AFF2: variants seen among roughly 807,000 people sequenced by gnomAD.
The protein encoded by AFF2 is ALF transcription elongation factor 2.
A neutral mutation model predicts 76.9 loss-of-function variants in AFF2; 14 were observed. The observed-to-expected ratio is 0.18, with a 90% CI of 0.12 to 0.28. The LOEUF (loss-of-function observed/expected upper bound fraction) is 0.28, where lower values mean the gene tolerates loss of function less well. Among genes scored for constraint, AFF2 ranks in the 10% least tolerant of loss-of-function variants. The pLI, the probability that AFF2 is intolerant of heterozygous loss-of-function variation, is 1.00. For synonymous variants in AFF2, 398 were observed against 366.7 expected (o/e 1.09, Z -0.98); for missense variants, 868 against 1,001.1 (o/e 0.87, Z 1.79).
In AFF2 at chrX:148,835,033, G is replaced by A. The variant is rs187364933; in HGVS notation, c.1087-2614G>A. Among the ~76,000 whole-genome samples, 30 of 112,305 alleles carry A rather than the reference G, an allele frequency of 2.7e-4. 1 individual carries two copies. The East Asian group carries it at 8.4e-3, about 32-fold the overall frequency. On this transcript the variant is annotated intron_variant, in intron 4 of 20. Coordinates refer to ENST00000370460, the MANE Select transcript of AFF2 (RefSeq NM_002025.4). ...AATTGAAAATGTAGAAGTTTGTGCA[G>A]TTCCATGTGGATTAGCTAACAGGGC... is the stretch of plus-strand genomic sequence containing the variant.
chrX:148,773,332 G>T (rs1461752711), intron 3 of AFF2, among the ~76,000 whole-genome samples: 2 of 110,527 alleles, frequency 1.8e-5, no homozygotes, highest in African/African-American at 6.6e-5. Context: ...GTGCAGGGAG[G>T]TCTGAAAATA....
intron 1 of AFF2, among the ~76,000 whole-genome samples, chrX:148,506,397 C>T (rs188208603): frequency 8.0e-4 from 89 of 111,614 alleles, no homozygotes; most frequent in African/African-American, 2.8e-3. Flanking sequence ...GTCACTGAAA[C>T]AAATGGATTG....
At chrX:148,671,561 T>A (rs1475534354) in intron 3 of AFF2, among the ~76,000 whole-genome samples, 1 of 111,188 alleles carries the variant, frequency 9.0e-6, no homozygotes, top group Non-Finnish European at 1.9e-5. Context: ...CCCAAACCTA[T>A]CTTGTTTGTA....
chrX:148,930,131 A>T (rs1289116566), intron 9 of AFF2, among the ~76,000 whole-genome samples: 1 of 112,132 alleles, frequency 8.9e-6, no homozygotes, highest in African/African-American at 3.2e-5. Context: ...AGGTCACTTC[A>T]AGGAACAAAG....
In AFF2 at chrX:148,953,036, T is replaced by C. The variant is rs907302919; in HGVS notation, c.1398-544T>C. Among the ~76,000 whole-genome samples, 35 of 111,277 alleles carry C rather than the reference T, an allele frequency of 3.1e-4. 1 individual carries two copies. The highest frequency in any genetic ancestry group is 1.1e-3 in the Admixed American group (12 of 10,497). On this transcript the variant is annotated intron_variant, in intron 9 of 20. Coordinates refer to ENST00000370460, the MANE Select transcript of AFF2 (RefSeq NM_002025.4). ...TGCTAGTCTTGGCTCTCCAACTAGC[T>C]GTGAGGCAGAGACCAGCTCCACCCC...
At chrX:148,641,096 T>C (rs1416564648) in intron 1 of AFF2, among the ~76,000 whole-genome samples, 4 of 111,468 alleles carry the variant, frequency 3.6e-5, no homozygotes, top group Non-Finnish European at 7.5e-5. Context: ...GCTGTGAATT[T>C]CCCAAAAGCT....
intron 1 of AFF2, among the ~76,000 whole-genome samples, chrX:148,646,383 G>T (rs1275262249): frequency 9.0e-6 from 1 of 111,645 alleles, no homozygotes; most frequent in African/African-American, 3.3e-5. Flanking sequence ...CAAGTTAGGA[G>T]GGATGGCTCT....
At chrX:148,749,266 CT>C (rs60610965) in intron 3 of AFF2, among the ~76,000 whole-genome samples, 15,397 of 95,714 alleles carry the variant, frequency 0.16, 2,982 homozygotes, top group African/African-American at 0.53. Flanking sequence ...CCTAAATAGT[CT>C]TTTTTTTTTT....
At chrX:148,614,742 C>CCTTCT (rs1569552169) in intron 1 of AFF2, among the ~76,000 whole-genome samples, 755 of 26,615 alleles carry the variant, frequency 0.028, 4 homozygotes, top group Non-Finnish European at 0.037. Context: ...TCCTTCTTTT[C>CCTTCT]TTTCTTTCTT....
intron 1 of AFF2, among the ~76,000 whole-genome samples, chrX:148,545,556 G>A (rs1557238039): frequency 9.0e-6 from 1 of 110,991 alleles, no homozygotes; most frequent in African/African-American, 3.3e-5. Flanking sequence ...GCATAGGTAG[G>A]GTGATCATGC....
intron 1 of AFF2, among the ~76,000 whole-genome samples, chrX:148,511,612 G>A (rs1448442455): frequency 1.8e-5 from 2 of 111,304 alleles, no homozygotes; most frequent in Non-Finnish European, 3.8e-5. Context: ...GAGCATTATG[G>A]CATATACTTT....
At chrX:148,518,834 T>C (rs138764041) in intron 1 of AFF2, among the ~76,000 whole-genome samples, 55 of 112,084 alleles carry the variant, frequency 4.9e-4, no homozygotes, top group Middle Eastern at 4.6e-3. Context: ...TCAAATCACA[T>C]TAAATTCACT....
intron 1 of AFF2, among the ~76,000 whole-genome samples, chrX:148,525,689 T>C (rs183772542): frequency 1.3e-4 from 15 of 111,932 alleles, no homozygotes; most frequent in Middle Eastern, 4.6e-3. Flanking sequence ...GGAATCACAC[T>C]TGAGCCATTA....
At chrX:148,564,387 C>T (rs2053146096) in intron 1 of AFF2, among the ~76,000 whole-genome samples, 1 of 107,624 alleles carries the variant, frequency 9.3e-6, no homozygotes, top group Admixed American at 1.0e-4. Flanking sequence ...CTGCCTCATT[C>T]ATTTGATGCA....
At chrX:148,730,157 C>T (rs370587378) in intron 3 of AFF2, among the ~76,000 whole-genome samples, 8 of 112,227 alleles carry the variant, frequency 7.1e-5, no homozygotes, top group Middle Eastern at 4.6e-3. Context: ...GATGGCCTCT[C>T]TTTAATTTGC....
At chrX:148,870,008 G>A (rs970276058) in intron 7 of AFF2, among the ~76,000 whole-genome samples, 3 of 111,368 alleles carry the variant, frequency 2.7e-5, no homozygotes, top group African/African-American at 6.5e-5. Flanking sequence ...GGGCTTCAAC[G>A]TATGAGTTTT....
intron 1 of AFF2, among the ~76,000 whole-genome samples, chrX:148,597,632 G>A (rs1208059787): frequency 9.0e-6 from 1 of 111,613 alleles, no homozygotes; most frequent in African/African-American, 3.3e-5. Context: ...AATTATAGTC[G>A]ACATAAAGTT....
At chrX:148,770,426 C>T (rs2069572913) in intron 3 of AFF2, among the ~76,000 whole-genome samples, 1 of 112,070 alleles carries the variant, frequency 8.9e-6, no homozygotes, top group Non-Finnish European at 1.9e-5. Context: ...GGCAGGGTCC[C>T]ACACACTTGA....
intron 3 of AFF2, among the ~76,000 whole-genome samples, chrX:148,780,610 G>A (rs1425512946): frequency 2.7e-5 from 3 of 111,602 alleles, no homozygotes; most frequent in Non-Finnish European, 5.6e-5. Flanking sequence ...GGTCATTTAT[G>A]TTCTTCTCTA....
Sources: gnomAD v4.1 joint callset for allele counts (sites outside exome capture counted in the v4.1 genomes callset) on GRCh38, gnomAD v4.1.1 for gene constraint, MANE v1.5 for transcripts, NCBI Gene and HGNC (gene_info 2026-07-23, HGNC 2026-07-21) for gene names.